The following CACNA1A variants were observed in gnomAD, a reference collection of about 807,000 sequenced individuals.
CACNA1A encodes the protein voltage-dependent P/Q-type calcium channel subunit alpha-1A.
Under a neutral mutation model 262.4 loss-of-function variants are expected in CACNA1A, and 57 were observed. That is an observed-to-expected ratio of 0.22 (90% CI 0.18 to 0.27). The LOEUF (loss-of-function observed/expected upper bound fraction) is 0.27. CACNA1A is among the 10% of genes least tolerant of loss of function. The probability of loss-of-function intolerance (pLI) is 1.00; values close to 1 mark genes in which losing one functional copy is unlikely to be tolerated. For missense variants in CACNA1A, 2,526 were observed against 3,562.8 expected (o/e 0.71, Z 7.41); for synonymous variants, 1,431 against 1,419.3 (o/e 1.01, Z -0.18).
chr19:13,418,376 A>G (rs1225117954), intron 3 of CACNA1A, among the ~76,000 whole-genome samples: 1 of 152,116 alleles, frequency 6.6e-6, no homozygotes, highest in Non-Finnish European at 1.5e-5. Flanking sequence ...TTCAAAGCGC[A>G]TTCTGGCTGT....
chr19:13,382,549 C>T lies in CACNA1A; in HGVS notation c.540-10770G>A, dbSNP rs541134263. ...TGTGGTAGGGGAGAGGTTGGGTAAGCTGGACAGTGGAGGCTGTCAACTAGA... is the reference window on the plus strand; with the variant it reads ...TGTGGTAGGGGAGAGGTTGGGTAAGTTGGACAGTGGAGGCTGTCAACTAGA... On this transcript the variant is annotated intron_variant, in intron 3 of 46. Coordinates refer to ENST00000360228, the MANE Select transcript of CACNA1A (RefSeq NM_001127222.2). 3.9e-5 allele frequency among the ~76,000 whole-genome samples: 6 copies of T among 152,292 alleles called. No homozygotes were observed. In the South Asian group the frequency reaches 1.2e-3, roughly 32 times the overall value.
chr19:13,342,988 C>T (rs8111671), intron 6 of CACNA1A, among the ~76,000 whole-genome samples: 100,553 of 152,014 alleles, frequency 0.66, 33,515 homozygotes, highest in Admixed American at 0.75. Context: ...CTCCTGGGCT[C>T]AAGTGATCCT....
intron 38 of CACNA1A, among the ~76,000 whole-genome samples, chr19:13,218,264 A>C (rs1270925764): frequency 6.6e-6 from 1 of 151,914 alleles, no homozygotes; most frequent in Admixed American, 6.6e-5. Context: ...ATAATTTTCC[A>C]TACAGTTCAT....
At chr19:13,276,960 C>T (rs1427169049) in intron 23 of CACNA1A, 109 bp downstream of exon 23, 2 of 706,896 alleles carry the variant, frequency 2.8e-6, no homozygotes, top group African/African-American at 3.5e-5. Context: ...GATCTGCCTG[C>T]CTCAGCCTCC....
chr19:13,300,775 C>T (rs774302506), intron 17 of CACNA1A, 119 bp from the exon 18 acceptor site: 180 of 804,574 alleles, frequency 2.2e-4, no homozygotes, highest in Non-Finnish European at 3.7e-4. Flanking sequence ...AGAACCAAGG[C>T]TCCCCAATTG....
chr19:13,457,577 G>T (rs1448018290), intron 1 of CACNA1A, among the ~76,000 whole-genome samples: 1 of 152,196 alleles, frequency 6.6e-6, no homozygotes, highest in Non-Finnish European at 1.5e-5. Flanking sequence ...TAGGCCGGGT[G>T]CAGTGGCTCA....
chr19:13,321,035 TTTTTTC>T (rs1227075959), intron 10 of CACNA1A, among the ~76,000 whole-genome samples: 1 of 108,130 alleles, frequency 9.2e-6, no homozygotes, highest in Non-Finnish European at 1.7e-5. Flanking sequence ...CTTTTTTTTT[TTTTTTC>T]TTTTTTTTTT....
At chr19:13,456,390 C>A (rs1015050459) in intron 1 of CACNA1A, among the ~76,000 whole-genome samples, 1 of 152,036 alleles carries the variant, frequency 6.6e-6, no homozygotes, top group South Asian at 2.1e-4. Flanking sequence ...AGAACATTTA[C>A]GGCCAGGTGT....
chr19:13,488,248 G>A (rs1258852776), intron 1 of CACNA1A, among the ~76,000 whole-genome samples: 1 of 152,054 alleles, frequency 6.6e-6, no homozygotes, highest in African/African-American at 2.4e-5. Flanking sequence ...GCCACCTAAT[G>A]GGCTTTCTGC....
At chr19:13,305,917 A>G (rs1248121683) in intron 15 of CACNA1A, among the ~76,000 whole-genome samples, 2 of 151,984 alleles carry the variant, frequency 1.3e-5, no homozygotes, top group African/African-American at 2.4e-5. Flanking sequence ...AAAATTAGCC[A>G]GGCATGGTAG....
intron 1 of CACNA1A, among the ~76,000 whole-genome samples, chr19:13,464,057 G>A (rs1382049359): frequency 6.6e-6 from 1 of 152,110 alleles, no homozygotes; most frequent in African/African-American, 2.4e-5. Flanking sequence ...GAATGTGAGT[G>A]TTTTATATTG....
chr19:13,339,465 A>G (rs933815570), intron 6 of CACNA1A, among the ~76,000 whole-genome samples: 1 of 152,166 alleles, frequency 6.6e-6, no homozygotes, highest in African/African-American at 2.4e-5. Context: ...CAGTTGCACA[A>G]CAATGTGAAT....
rs113159235 is a variant in CACNA1A at position 13,428,658 on chromosome 19, C to T, written c.539+24218G>A. Among the ~76,000 whole-genome samples the T allele has an allele frequency of 3.9e-3, 598 of 152,180 alleles. 3 individuals are homozygous for T. Among genetic ancestry groups the T allele is most frequent in the African/African-American group, 0.014 (572 of 41,518 alleles). On this transcript the variant is annotated intron_variant, in intron 3 of 46. Coordinates refer to ENST00000360228, the MANE Select transcript of CACNA1A (RefSeq NM_001127222.2). Reference sequence around the variant, plus strand: ...AGGAAACCGCAGGTCAGAGTGGCCCCGCAGCCTGTGAAGGGAAAAGCCAGA... The same window carrying T: ...AGGAAACCGCAGGTCAGAGTGGCCCTGCAGCCTGTGAAGGGAAAAGCCAGA...
At chr19:13,356,248 C>A (rs980870389) in intron 6 of CACNA1A, among the ~76,000 whole-genome samples, 1 of 152,154 alleles carries the variant, frequency 6.6e-6, no homozygotes, top group Non-Finnish European at 1.5e-5. Context: ...CGGAGGTCAC[C>A]CCGGGCCAGG....
Position 13,207,815 on chromosome 19 carries a change from C to G in CACNA1A, c.7019G>C (p.Arg2340Thr). The G allele has an allele frequency of 4.8e-6, 7 of 1,455,450 alleles. No individual in the cohort carries two copies. Among genetic ancestry groups the G allele is most frequent in the Non-Finnish European group, 6.3e-6 (7 of 1,111,248 alleles). 90.2% of individuals were successfully genotyped at this position (1,455,450 alleles called of 1,614,324 possible). ...AGGCTCGGCCGTGGGGCCTGGGTAC[C>G]TCCGAGGGCCGCTGGTGGCCGCCCG... Reference protein sequence around the residue: ...PGRAATSGPRRYPGPTAEPLA... With the variant: ...PGRAATSGPRTYPGPTAEPLA... The change falls in exon 47 of 47, where the codon AGG (arginine) becomes ACG (threonine). Residue 2340 changes from arginine (R) to threonine (T), a missense_variant. Coordinates refer to ENST00000360228, the MANE Select transcript of CACNA1A (RefSeq NM_001127222.2). This position sits in a 1 kb window ranked among gnomAD's most constrained non-coding sequence, Gnocchi z 5.7.
At chr19:13,253,774 C>T (rs1245358713) in intron 29 of CACNA1A, among the ~76,000 whole-genome samples, 1 of 151,146 alleles carries the variant, frequency 6.6e-6, no homozygotes, top group Non-Finnish European at 1.5e-5. Context: ...GAGTCTCACT[C>T]TGTTACCCAG....
chr19:13,257,167 C>T (rs904363485), intron 28 of CACNA1A, 183 bp downstream of exon 28: 77 of 572,326 alleles, frequency 1.3e-4, no homozygotes, highest in African/African-American at 1.3e-3. Flanking sequence ...GATACATACA[C>T]TATATGATGT....
At chr19:13,352,021 G>A (rs2058920510) in intron 6 of CACNA1A, among the ~76,000 whole-genome samples, 1 of 152,090 alleles carries the variant, frequency 6.6e-6, no homozygotes, top group Non-Finnish European at 1.5e-5. Context: ...TGTAAGATAA[G>A]GACACCTAGG....
chr19:13,497,566 ATATATATATAT>A (rs1568710030), intron 1 of CACNA1A, among the ~76,000 whole-genome samples: 708 of 36,950 alleles, frequency 0.019, 163 homozygotes, highest in Middle Eastern at 0.028. Context: ...ATATATATAT[ATATATATATAT>A]ATAAATTTAT....
Sources: gnomAD v4.1 joint callset for allele counts (sites outside exome capture counted in the v4.1 genomes callset) on GRCh38, gnomAD v4.1.1 for gene constraint, Gnocchi (gnomAD v3.1) non-coding constraint, MANE v1.5 for transcripts, NCBI Gene and HGNC (gene_info 2026-07-23, HGNC 2026-07-21) for gene names.